The following DTL variants were observed in gnomAD, a reference collection of about 807,000 sequenced individuals.
The protein encoded by DTL is denticleless E3 ubiquitin protein ligase adapter, also known as denticleless protein homolog.
Under a neutral mutation model 87.0 loss-of-function variants are expected in DTL, and 46 were observed. That is an observed-to-expected ratio of 0.53 (90% CI 0.42 to 0.68). The LOEUF is 0.68. Ranked by LOEUF, DTL falls within the 30% of genes least tolerant of loss-of-function variation. The pLI, the probability that DTL is intolerant of heterozygous loss-of-function variation, is 0.00. For missense variants in DTL, 737 were observed against 869.4 expected (o/e 0.85, Z 1.91); for synonymous variants, 308 against 311.2 (o/e 0.99, Z 0.11).
chr1:212,098,083 G>T (rs190828001), intron 13 of DTL, among the ~76,000 whole-genome samples: 1 of 152,310 alleles, frequency 6.6e-6, no homozygotes, highest in East Asian at 1.9e-4. Context: ...CTGTCTTCAG[G>T]TCTGTATGCC....
At chr1:212,097,732 T>G (rs531621171) in intron 13 of DTL, among the ~76,000 whole-genome samples, 10 of 152,342 alleles carry the variant, frequency 6.6e-5, no homozygotes, top group Non-Finnish European at 1.3e-4. Flanking sequence ...ATTCAAAGAT[T>G]TATTATTGGT....
chr1:212,058,645 G>T, intron 5 of DTL, among the ~76,000 whole-genome samples: 1 of 151,714 alleles, frequency 6.6e-6, no homozygotes, highest in East Asian at 1.9e-4. Flanking sequence ...AACTAGAAAA[G>T]CAAGAACAAA....
At chr1:212,082,358 G>C (rs1434189042) in intron 13 of DTL, among the ~76,000 whole-genome samples, 1 of 152,168 alleles carries the variant, frequency 6.6e-6, no homozygotes, top group Admixed American at 6.5e-5. Context: ...TGTTATAAAG[G>C]AAAGAAGAGA....
rs141981843 is a variant in DTL at position 212,054,687 on chromosome 1, C to T, written c.460+7270C>T. The stretch of plus-strand genomic sequence containing the variant: ...ACACATGCCTGTAATCCCAGCTACT[C>T]GGGAGGCTGAGGCGGGAGAAGCGCT... On this transcript the variant is annotated intron_variant, in intron 5 of 14. Transcript: ENST00000366991. 7.8e-3 allele frequency among the ~76,000 whole-genome samples: 1,162 copies of T among 148,886 alleles called. 13 individuals carry two copies. Among genetic ancestry groups the T allele is most frequent in the African/African-American group, 0.028 (1,126 of 40,656 alleles).
chr1:212,051,486 T>TTTTC, intron 5 of DTL: 1 of 250,246 alleles, frequency 4.0e-6, no homozygotes, highest in African/African-American at 3.1e-5. Context: ...TTTTTTTTTT[T>TTTTC]AGCCCAGAGG....
At chr1:212,101,121 T>G in intron 14 of DTL, 37 bp downstream of exon 14, 7 of 1,447,030 alleles carry the variant, frequency 4.8e-6, no homozygotes, top group Non-Finnish European at 5.6e-6. Context: ...ATTTCCTAAC[T>G]TAAAAGGGGC....
chr1:212,044,862 C>A, intron 3 of DTL, 104 bp downstream of exon 3: 1 of 697,290 alleles, frequency 1.4e-6, no homozygotes, highest in Non-Finnish European at 2.5e-6. Context: ...TCTTCTGTTG[C>A]TATAAAGGAA....
chr1:212,083,571 A>G (rs1571973820), intron 13 of DTL, among the ~76,000 whole-genome samples: 1 of 152,206 alleles, frequency 6.6e-6, no homozygotes, highest in African/African-American at 2.4e-5. Flanking sequence ...AGGTATTGGT[A>G]ATAATAAGGT....
chr1:212,076,349 A>T (rs921591262), intron 11 of DTL, among the ~76,000 whole-genome samples: 1 of 152,134 alleles, frequency 6.6e-6, no homozygotes, highest in Non-Finnish European at 1.5e-5. Context: ...CGTCATTGAT[A>T]CCTTGTTAAC....
chr1:212,072,158 C>T lies in DTL; in HGVS notation c.980C>T (p.Pro327Leu), dbSNP rs766978008. Residue 327 changes from proline (P) to leucine (L), a missense_variant, in exon 11 of 15, where the codon CCA becomes CTA. Pro to Leu is a moderately conservative substitution (Grantham distance 98). Transcript: ENST00000366991. Reference sequence around the variant, plus strand: ...TTTTATGTAAAATCCAGCCTTAGTCCAGATGACCAGTTTTTAGTCAGTGGC... The same window carrying T: ...TTTTATGTAAAATCCAGCCTTAGTCTAGATGACCAGTTTTTAGTCAGTGGC... The part of the protein sequence containing the change: ...STFYVKSSLS[P>L]DDQFLVSGSS... The T allele has an allele frequency of 8.7e-6, 14 of 1,614,048 alleles. 1 individual carries two copies. In the South Asian group the frequency reaches 1.5e-4, roughly 18 times the overall value.
rs540245608 is a variant in DTL at position 212,040,689 on chromosome 1, C to T, written c.53-2304C>T. ...AACTATGTGACAGACAAAGCAGCTT[C>T]TATGTGATATAACATTAGGCTACTA... On this transcript the variant is annotated intron_variant, in intron 1 of 14. Transcript: ENST00000366991. Among the ~76,000 whole-genome samples, 35 of 152,248 alleles carry T rather than the reference C, an allele frequency of 2.3e-4. No individual in the cohort carries two copies. In the South Asian group the frequency reaches 7.3e-3, roughly 32 times the overall value.
rs35962372 is a variant in DTL, at chr1:212,043,828, C to CAA, written c.178+727_178+728dup. ...CTGGGTGACAGTGAGACTTCATCTCCAAAAAAAAAAAAAAAAAAGAAATAG... is the reference window on the plus strand; with the variant it reads ...CTGGGTGACAGTGAGACTTCATCTCCAAAAAAAAAAAAAAAAAAAAGAAATAG... On this transcript the variant is annotated intron_variant, in intron 2 of 14. Transcript: ENST00000366991. Among the ~76,000 whole-genome samples the CAA allele has an allele frequency of 9.1e-3, 761 of 83,626 alleles. 12 individuals carry two copies. Among genetic ancestry groups the CAA allele is most frequent in the African/African-American group, 0.027 (694 of 25,572 alleles). The allele number at this position is 83,626 out of a possible 152,430, so 54.9% of individuals were successfully genotyped here. A position where few individuals can be genotyped will look rare whatever the true frequency, so the allele number is the denominator to read the frequency against.
At chr1:212,096,966 T>C (rs935315684) in intron 13 of DTL, among the ~76,000 whole-genome samples, 2 of 152,180 alleles carry the variant, frequency 1.3e-5, no homozygotes, top group Admixed American at 1.3e-4. Context: ...TGAGATGAGA[T>C]TCTATTTTTG....
At chr1:212,101,787 A>G (rs555507706) in intron 14 of DTL, among the ~76,000 whole-genome samples, 1 of 152,238 alleles carries the variant, frequency 6.6e-6, no homozygotes, top group Non-Finnish European at 1.5e-5. Context: ...AATATCAGTC[A>G]TCAGTGATTG....
In DTL at chr1:212,102,042, G is replaced by A. The variant is rs376874291; in HGVS notation, c.2095-800G>A. Among the ~76,000 whole-genome samples the A allele has an allele frequency of 5.3e-5, 8 of 152,236 alleles. No homozygotes were observed. The East Asian group carries it at 9.6e-4, about 18-fold the overall frequency. On this transcript the variant is annotated intron_variant, in intron 14 of 14. Transcript: ENST00000366991. Reference sequence around the variant, plus strand: ...ATCAGCATCATCTGCCATTTTAAAGGGCAGAAGCTAGATAACCAACCTTAG... The same window carrying A: ...ATCAGCATCATCTGCCATTTTAAAGAGCAGAAGCTAGATAACCAACCTTAG...
chr1:212,066,488 G>A (rs1283579593), intron 7 of DTL, among the ~76,000 whole-genome samples: 1 of 152,174 alleles, frequency 6.6e-6, no homozygotes, highest in Non-Finnish European at 1.5e-5. Flanking sequence ...ACTGGCACAA[G>A]AAAGTTAAAT....
At chr1:212,093,219 A>G (rs1406681912) in intron 13 of DTL, among the ~76,000 whole-genome samples, 1 of 152,006 alleles carries the variant, frequency 6.6e-6, no homozygotes, top group African/African-American at 2.4e-5. Flanking sequence ...GAGCATACAG[A>G]TGGGCAGGCT....
chr1:212,072,501 T>C (rs1206492311), intron 11 of DTL, among the ~76,000 whole-genome samples: 1 of 152,206 alleles, frequency 6.6e-6, no homozygotes, highest in African/African-American at 2.4e-5. Context: ...TTAACTACTT[T>C]GTCCTGCATC....
At chr1:212,059,626 G>A (rs1310140369) in intron 5 of DTL, among the ~76,000 whole-genome samples, 3 of 151,930 alleles carry the variant, frequency 2.0e-5, no homozygotes, top group Non-Finnish European at 4.4e-5. Context: ...AAGGACGCAC[G>A]CTTTTCACCA....
Sources: allele counts gnomAD v4.1 joint callset (sites outside exome capture counted in the v4.1 genomes callset), GRCh38; gene constraint gnomAD v4.1.1; transcripts MANE v1.5; gene names NCBI Gene and HGNC (gene_info 2026-07-23, HGNC 2026-07-21).